Variants in TMCO1 observed in about 807,000 individuals in gnomAD.
TMCO1 encodes transmembrane and coiled-coil domains 1.
Under a neutral mutation model 29.3 loss-of-function variants are expected in TMCO1, and 29 were observed. The ratio of observed to expected loss-of-function variants is 0.99; its 90% CI spans 0.74 to 1.35. The LOEUF (loss-of-function observed/expected upper bound fraction) is 1.35. Ranked by LOEUF, TMCO1 falls within the 40% of genes most tolerant of loss-of-function variation. TMCO1 has a pLI of 0.00. For synonymous variants in TMCO1, 80 were observed against 77.1 expected (o/e 1.04, Z -0.20); for missense variants, 173 against 225.5 (o/e 0.77, Z 1.49).
intron 6 of TMCO1, among the ~76,000 whole-genome samples, chr1:165,740,426 C>T (rs1277787372): frequency 6.6e-6 from 1 of 151,780 alleles, no homozygotes; most frequent in East Asian, 2.0e-4. Flanking sequence ...AGGATGGTCT[C>T]GATCTCCTGA....
chr1:165,725,018 CTCTCTCTATATATATA>C (rs746977018), downstream of TMCO1: 10 of 138,214 alleles, frequency 7.2e-5, no homozygotes, highest in East Asian at 1.6e-3. Context: ...CTCTCTCTCT[CTCTCTCTATATATATA>C]TATATATATA....
chr1:165,738,398 A>G (rs1651467018), intron 6 of TMCO1, among the ~76,000 whole-genome samples: 1 of 152,240 alleles, frequency 6.6e-6, no homozygotes, highest in Non-Finnish European at 1.5e-5. Context: ...AGTTTCTGAA[A>G]TCCTCATATT....
At chr1:165,768,149 G>T in intron 2 of TMCO1, 43 bp downstream of exon 2, 1 of 1,473,774 alleles carries the variant, frequency 6.8e-7, no homozygotes, top group Non-Finnish European at 9.5e-7. Flanking sequence ...GACTTAATGA[G>T]CTTGACGTGT....
intron 6 of TMCO1, among the ~76,000 whole-genome samples, chr1:165,732,505 C>A (rs12131228): frequency 0.46 from 60,969 of 132,818 alleles, 13,256 homozygotes; most frequent in East Asian, 0.58. Flanking sequence ...CTCTCTCTCT[C>A]TATATATATA....
intron 5 of TMCO1, among the ~76,000 whole-genome samples, chr1:165,744,589 C>T (rs1003381844): frequency 2.0e-5 from 3 of 151,942 alleles, no homozygotes; most frequent in Non-Finnish European, 2.9e-5. Context: ...GTTGGGAGTT[C>T]GAGACCAGCT....
intron 5 of TMCO1, among the ~76,000 whole-genome samples, chr1:165,745,358 AGGC>A (rs1439103374): frequency 6.7e-6 from 1 of 148,388 alleles, no homozygotes; most frequent in Non-Finnish European, 1.5e-5. Flanking sequence ...AGTCTTGGCC[AGGC>A]GTGGTGGCTC....
chr1:165,730,996 T>C (rs1651141137), intron 6 of TMCO1, among the ~76,000 whole-genome samples: 1 of 151,362 alleles, frequency 6.6e-6, no homozygotes, highest in Admixed American at 6.6e-5. Flanking sequence ...GCCTCCCAGG[T>C]TCAAGCGATC....
At chr1:165,765,935 A>C (rs1434014369) in intron 2 of TMCO1, among the ~76,000 whole-genome samples, 1 of 152,238 alleles carries the variant, frequency 6.6e-6, no homozygotes, top group Non-Finnish European at 1.5e-5. Context: ...GGAGACAGGA[A>C]CACTTGTTGG....
At chr1:165,752,341 G>A (rs900425050) in intron 4 of TMCO1, among the ~76,000 whole-genome samples, 172 bp from the exon 5 acceptor site, 4 of 144,544 alleles carry the variant, frequency 2.8e-5, no homozygotes, top group African/African-American at 5.1e-5. Flanking sequence ...TGCAAGCTCC[G>A]TCCCCCCGGG....
intron 6 of TMCO1, 48 bp from the exon 7 acceptor site, chr1:165,728,169 G>T: frequency 6.8e-7 from 1 of 1,464,852 alleles, no homozygotes; most frequent in Non-Finnish European, 9.5e-7. Context: ...CAAATATACA[G>T]AAGATGTGTT....
At chr1:165,730,405 GAA>G (rs1651107838) in intron 6 of TMCO1, among the ~76,000 whole-genome samples, 2 of 151,878 alleles carry the variant, frequency 1.3e-5, no homozygotes, top group Admixed American at 6.6e-5. Flanking sequence ...GAATACAACA[GAA>G]TGTTTAAATA....
At chr1:165,752,948 C>T (rs1652056661) in intron 4 of TMCO1, among the ~76,000 whole-genome samples, 2 of 152,088 alleles carry the variant, frequency 1.3e-5, no homozygotes, top group African/African-American at 4.8e-5. Context: ...TAAGTACTGG[C>T]AAAAGGTCTC....
In TMCO1 at chr1:165,727,681, C is replaced by T. The variant is rs1409128621; in HGVS notation, c.*342G>A. On this transcript the variant is annotated 3_prime_UTR_variant, in exon 7 of 7. Coordinates refer to ENST00000367881, the MANE Select transcript of TMCO1 (RefSeq NM_019026.6). ...TTCTAAATCTCTAAATGCTCATAGA[C>T]AGCCAACTTGCAGGGCATACACAGT... The T allele has an allele frequency of 2.2e-6, 1 of 454,110 alleles. No individual in the cohort carries two copies. The highest frequency in any genetic ancestry group is 2.4e-5 in the Admixed American group (1 of 42,490). 28.1% of individuals were successfully genotyped at this position (454,110 alleles called of 1,614,324 possible). A position where few individuals can be genotyped will look rare whatever the true frequency, so the allele number is the denominator to read the frequency against.
In TMCO1 at chr1:165,727,423, G is replaced by C. The variant is rs1416545790; in HGVS notation, c.*600C>G. 2.2e-6 allele frequency: 1 copy of C among 453,658 alleles called. No homozygotes were observed. The highest frequency in any genetic ancestry group is 1.6e-5 in the South Asian group (1 of 64,432). 28.1% of individuals were successfully genotyped at this position (453,658 alleles called of 1,614,324 possible). A position where few individuals can be genotyped will look rare whatever the true frequency, so the allele number is the denominator to read the frequency against. On this transcript the variant is annotated 3_prime_UTR_variant, in exon 7 of 7. Coordinates refer to ENST00000367881, the MANE Select transcript of TMCO1 (RefSeq NM_019026.6). ...AGACAACTCTGTATTTTGAGTATAT[G>C]AGTCAAGTATGGCAAAAAGTACAGT...
At chr1:165,768,874 C>T, upstream of TMCO1, 1 of 1,559,204 alleles carries the variant, frequency 6.4e-7, no homozygotes, top group Non-Finnish European at 8.7e-7. Context: ...ACTCTGACAG[C>T]CCGAAGATCG....
At chr1:165,754,004 T>G (rs1027691386) in intron 4 of TMCO1, among the ~76,000 whole-genome samples, 1 of 152,200 alleles carries the variant, frequency 6.6e-6, no homozygotes, top group African/African-American at 2.4e-5. Flanking sequence ...GGACAAATTA[T>G]GACCTCTGAG....
intron 2 of TMCO1, among the ~76,000 whole-genome samples, chr1:165,766,805 G>A (rs1652587486): frequency 6.6e-6 from 1 of 151,950 alleles, no homozygotes; most frequent in African/African-American, 2.4e-5. Flanking sequence ...TGACTAGTAA[G>A]ATGGAGAGCA....
chr1:165,744,567 G>A (rs998254115), intron 5 of TMCO1, among the ~76,000 whole-genome samples: 4 of 152,060 alleles, frequency 2.6e-5, no homozygotes, highest in East Asian at 1.9e-4. Flanking sequence ...CAAGGCAGGC[G>A]GATCACCTGA....
chr1:165,751,653 C>G (rs1231104553), intron 5 of TMCO1, among the ~76,000 whole-genome samples: 1 of 150,608 alleles, frequency 6.6e-6, no homozygotes, highest in Admixed American at 6.6e-5. Context: ...TGCAGTGAGC[C>G]AAGATTGCGC....
Sources: gnomAD v4.1 joint callset for allele counts (sites outside exome capture counted in the v4.1 genomes callset) on GRCh38, gnomAD v4.1.1 for gene constraint, MANE v1.5 for transcripts, NCBI Gene and HGNC (gene_info 2026-07-23, HGNC 2026-07-21) for gene names.